TSHZ2: variants seen among roughly 807,000 people sequenced by gnomAD.
TSHZ2 encodes the protein teashirt homolog 2.
A neutral mutation model predicts 74.4 loss-of-function variants in TSHZ2; 21 were observed. That is an observed-to-expected ratio of 0.28 (90% CI 0.20 to 0.41). The LOEUF (loss-of-function observed/expected upper bound fraction) is 0.41. Among genes scored for constraint, TSHZ2 ranks in the 10% least tolerant of loss-of-function variants. TSHZ2 has a pLI of 1.00. For missense variants in TSHZ2, 1,244 were observed against 1,293.5 expected (o/e 0.96, Z 0.59); for synonymous variants, 540 against 515.3 (o/e 1.05, Z -0.65).
chr20:53,050,593 C>T (rs1044085609), intron 1 of TSHZ2, among the ~76,000 whole-genome samples: 8 of 152,120 alleles, frequency 5.3e-5, no homozygotes, highest in Non-Finnish European at 1.0e-4. Flanking sequence ...TCAGCAGAGA[C>T]GTGTCATAGG....
intron 2 of TSHZ2, among the ~76,000 whole-genome samples, chr20:53,301,261 A>G (rs951851856): frequency 2.0e-5 from 3 of 152,232 alleles, no homozygotes; most frequent in Admixed American, 1.3e-4. Context: ...CCTAGCCCCC[A>G]GAGTGATTTC....
chr20:53,238,621 A>T (rs1989992634), intron 1 of TSHZ2, among the ~76,000 whole-genome samples: 1 of 152,142 alleles, frequency 6.6e-6, no homozygotes, highest in Non-Finnish European at 1.5e-5. Context: ...AGATATTTAA[A>T]CACACAGACA....
At chr20:53,020,932 C>G (rs1983222567) in intron 1 of TSHZ2, among the ~76,000 whole-genome samples, 1 of 152,164 alleles carries the variant, frequency 6.6e-6, no homozygotes, top group Non-Finnish European at 1.5e-5. Flanking sequence ...AGTATTAACC[C>G]TCAATTTCCT....
intron 1 of TSHZ2, among the ~76,000 whole-genome samples, chr20:53,016,677 A>G (rs1312800615): frequency 6.6e-6 from 1 of 152,202 alleles, no homozygotes; most frequent in African/African-American, 2.4e-5. Flanking sequence ...ACAATCTACT[A>G]CTTGGTATGC....
chr20:53,465,961 G>A (rs1400458562), intron 2 of TSHZ2, among the ~76,000 whole-genome samples: 2 of 128,714 alleles, frequency 1.6e-5, no homozygotes, highest in African/African-American at 2.8e-5. Flanking sequence ...TATAATCACA[G>A]TGGTTAAAAA....
intron 1 of TSHZ2, among the ~76,000 whole-genome samples, chr20:53,157,369 G>T (rs1360592979): frequency 6.8e-6 from 1 of 147,386 alleles, no homozygotes; most frequent in Non-Finnish European, 1.5e-5. Flanking sequence ...CTAATGTTCT[G>T]TTGAACAAAC....
At chr20:53,437,069 C>T (rs1329200203) in intron 2 of TSHZ2, among the ~76,000 whole-genome samples, 1 of 152,176 alleles carries the variant, frequency 6.6e-6, no homozygotes, top group East Asian at 1.9e-4. Flanking sequence ...AGAGTATGCC[C>T]TCCTCTGGGC....
intron 1 of TSHZ2, among the ~76,000 whole-genome samples, chr20:53,040,111 C>G (rs1352678293): frequency 6.6e-6 from 1 of 152,068 alleles, no homozygotes; most frequent in Non-Finnish European, 1.5e-5. Flanking sequence ...TCTAAAAAAA[C>G]AAAAACAGTG....
At chr20:53,469,045 TTATATATATATATA>T (rs143724013) in intron 2 of TSHZ2, among the ~76,000 whole-genome samples, 556 of 49,116 alleles carry the variant, frequency 0.011, 27 homozygotes, top group African/African-American at 0.025. Flanking sequence ...AATCGATATT[TTATATATATATATA>T]TATATATATA....
intron 1 of TSHZ2, among the ~76,000 whole-genome samples, chr20:53,249,815 C>A (rs1403857454): frequency 1.3e-5 from 2 of 152,142 alleles, no homozygotes; most frequent in Non-Finnish European, 2.9e-5. Context: ...GATTTTATTG[C>A]AAGTGCAACA....
intron 2 of TSHZ2, among the ~76,000 whole-genome samples, chr20:53,353,910 C>A (rs1980747191): frequency 6.6e-6 from 1 of 152,100 alleles, no homozygotes; most frequent in South Asian, 2.1e-4. Context: ...TTCTATTTGC[C>A]CAGGACTGAG....
At chr20:53,442,942 G>A (rs138187710) in intron 2 of TSHZ2, among the ~76,000 whole-genome samples, 6 of 152,244 alleles carry the variant, frequency 3.9e-5, no homozygotes, top group Admixed American at 6.5e-5. Flanking sequence ...ATCTCATCCC[G>A]CTTAAGATCA....
intron 1 of TSHZ2, among the ~76,000 whole-genome samples, chr20:53,141,448 G>T (rs779839292): frequency 6.6e-6 from 1 of 152,160 alleles, no homozygotes; most frequent in Non-Finnish European, 1.5e-5. Context: ...AGAAATTCTT[G>T]TCTTGCTTGT....
At chr20:52,979,230 C>T (rs1981471245) in intron 1 of TSHZ2, among the ~76,000 whole-genome samples, 1 of 151,408 alleles carries the variant, frequency 6.6e-6, no homozygotes, top group Non-Finnish European at 1.5e-5. Context: ...GTTTTGGGAA[C>T]TTTTTCTGAG....
At chr20:53,244,589 G>A (rs571023543) in intron 1 of TSHZ2, among the ~76,000 whole-genome samples, 22 of 152,118 alleles carry the variant, frequency 1.4e-4, no homozygotes, top group Admixed American at 7.9e-4. Flanking sequence ...AAGACACGTC[G>A]CAATAATAAT....
intron 1 of TSHZ2, among the ~76,000 whole-genome samples, chr20:53,054,783 A>G (rs1253158603): frequency 4.6e-5 from 7 of 152,174 alleles, no homozygotes; most frequent in African/African-American, 1.7e-4. Flanking sequence ...CATTGGAGTC[A>G]CCCCAGGAAT....
chr20:53,323,097 C>T (rs1243746323), intron 2 of TSHZ2, among the ~76,000 whole-genome samples: 1 of 152,184 alleles, frequency 6.6e-6, no homozygotes, highest in Non-Finnish European at 1.5e-5. Context: ...CACCCTGCTC[C>T]AGATCTTGAT....
intron 1 of TSHZ2, among the ~76,000 whole-genome samples, chr20:53,188,217 G>C (rs972466304): frequency 9.8e-5 from 15 of 152,300 alleles, no homozygotes; most frequent in Middle Eastern, 3.4e-3. Flanking sequence ...CTTCTTTAAG[G>C]GGGAGGGGAG....
intron 1 of TSHZ2, among the ~76,000 whole-genome samples, chr20:53,083,029 TC>T (rs1197239337): frequency 2.0e-5 from 3 of 152,120 alleles, no homozygotes; most frequent in Non-Finnish European, 4.4e-5. Flanking sequence ...GCCAGAGGAC[TC>T]CCCCAGCTCT....
Sources: allele counts gnomAD v4.1 joint callset (sites outside exome capture counted in the v4.1 genomes callset), GRCh38; gene constraint gnomAD v4.1.1; transcripts MANE v1.5; gene names NCBI Gene and HGNC (gene_info 2026-07-23, HGNC 2026-07-21).